The following DIXDC1 variants were observed in gnomAD, a reference collection of about 807,000 sequenced individuals.
DIXDC1 encodes the protein dixin.
A neutral mutation model predicts 103.1 loss-of-function variants in DIXDC1; 64 were observed. The ratio of observed to expected loss-of-function variants is 0.62; its 90% CI spans 0.51 to 0.76. The LOEUF is 0.76. Among genes scored for constraint, DIXDC1 ranks in the 30% least tolerant of loss-of-function variants. The probability of loss-of-function intolerance (pLI) is 0.00; values close to 1 mark genes in which losing one functional copy is unlikely to be tolerated. For synonymous variants in DIXDC1, 266 were observed against 298.5 expected, an observed-to-expected ratio of 0.89 and a Z score of 1.12; for missense variants, 759 against 834.2, an observed-to-expected ratio of 0.91 and a Z score of 1.11.
Position 111,995,105 on chromosome 11 carries a change from AG to A in DIXDC1, c.1527+1del. 1 of 1,613,474 alleles carries A rather than the reference AG, an allele frequency of 6.2e-7. No homozygotes were observed. Among genetic ancestry groups the A allele is most frequent in the Non-Finnish European group, 8.5e-7 (1 of 1,179,860 alleles). ...GKGATSVSNRGTSDLQLVRDA... is the reference protein window; with the variant it reads ...GKGATSVSNRXTSDLQLVRDA... ...AAGGAGCTACTTCAGTCAGCAACAG[AG>A]GGGTACGTACCTGGAGTTTTGATGG... On this transcript the variant is annotated frameshift_variant and splice_region_variant, in exon 15 of 20. Transcript: ENST00000440460. LOFTEE classifies it high-confidence loss of function.
intron 19 of DIXDC1, among the ~76,000 whole-genome samples, chr11:112,018,629 A>G (rs1861668900): frequency 6.6e-6 from 1 of 152,212 alleles, no homozygotes; most frequent in South Asian, 2.1e-4. Flanking sequence ...CCTGGTAACT[A>G]AATTTTCCAC....
chr11:111,987,095 GA>G (rs1860518489), intron 9 of DIXDC1, among the ~76,000 whole-genome samples, 171 bp downstream of exon 9: 1 of 151,886 alleles, frequency 6.6e-6, no homozygotes, highest in South Asian at 2.1e-4. Context: ...CCAAAAATAC[GA>G]AAAATTAGCT....
At chr11:111,940,793 T>A (rs1318815531) in intron 1 of DIXDC1, among the ~76,000 whole-genome samples, 1 of 152,210 alleles carries the variant, frequency 6.6e-6, no homozygotes, top group Non-Finnish European at 1.5e-5. Context: ...CATCTGCTCA[T>A]TGAGGCCAGA....
chr11:111,937,131 C>CGGGGG (rs782420161), upstream of DIXDC1: 49 of 462,580 alleles, frequency 1.1e-4, no homozygotes, highest in African/African-American at 2.3e-4. Flanking sequence ...GCGGCCCGGG[C>CGGGGG]GGGGGGGGGG....
chr11:111,992,749 A>T (rs914036499), intron 11 of DIXDC1, among the ~76,000 whole-genome samples: 87 of 152,354 alleles, frequency 5.7e-4, no homozygotes, highest in African/African-American at 2.0e-3. Flanking sequence ...CTTTGAGGAC[A>T]CTGAGATACA....
Position 111,977,175 on chromosome 11 carries a change from C to G in DIXDC1, c.656+2192C>G. ...CCACCCCCACCTCCACCCCGCCCAG[C>G]CCCGCCCCTGGCCCGCACCCTCAAC... On this transcript the variant is annotated intron_variant, in intron 5 of 19. Transcript: ENST00000440460. This position sits in a 1 kb window ranked among gnomAD's most constrained non-coding sequence, Gnocchi z 6.1. The G allele has an allele frequency of 7.2e-6, 6 of 830,936 alleles. No individual in the cohort carries two copies. The highest frequency in any genetic ancestry group is 8.7e-6 in the Non-Finnish European group (6 of 688,582). The allele number at this position is 830,936 out of a possible 1,614,324, so 51.5% of individuals were successfully genotyped here.
At chr11:111,988,611 A>G (rs1214253684) in intron 9 of DIXDC1, among the ~76,000 whole-genome samples, 4 of 152,234 alleles carry the variant, frequency 2.6e-5, no homozygotes, top group African/African-American at 9.6e-5. Flanking sequence ...AGGGATAATT[A>G]TTTAATGACA....
At chr11:112,001,552 C>CA (rs767315758) in intron 17 of DIXDC1, among the ~76,000 whole-genome samples, 81 of 151,842 alleles carry the variant, frequency 5.3e-4, no homozygotes, top group Admixed American at 2.1e-3. Flanking sequence ...TGCTTCTACC[C>CA]AAAAAACAAG....
chr11:112,015,824 C>T (rs1861571890), intron 17 of DIXDC1, among the ~76,000 whole-genome samples: 1 of 17,340 alleles, frequency 5.8e-5, no homozygotes, highest in Non-Finnish European at 1.1e-4. Flanking sequence ...TTTTTTTTTG[C>T]GGCAGGGACA....
At chr11:111,994,575 G>A (rs1224653767) in intron 14 of DIXDC1, among the ~76,000 whole-genome samples, 2 of 150,810 alleles carry the variant, frequency 1.3e-5, no homozygotes, top group Non-Finnish European at 2.9e-5. Flanking sequence ...ATGTATGTAT[G>A]TATGTGTATA....
At chr11:111,986,118 A>C (rs766071098) in intron 8 of DIXDC1, among the ~76,000 whole-genome samples, 1 of 152,130 alleles carries the variant, frequency 6.6e-6, no homozygotes, top group Admixed American at 6.5e-5. Flanking sequence ...CAGCCTTCTC[A>C]CTGGTTTTCC....
rs2137649196 is a variant in DIXDC1 at position 112,017,397 on chromosome 11, T to C, written c.1863-380T>C. Reference sequence around the variant, plus strand: ...GAGGGATAAAGATCATGATACTTGATTTGATTCTACCATCCTAGAGAATTG... The same window carrying C: ...GAGGGATAAAGATCATGATACTTGACTTGATTCTACCATCCTAGAGAATTG... On this transcript the variant is annotated intron_variant, in intron 18 of 19. Transcript: ENST00000440460. This position sits in a 1 kb window ranked among gnomAD's most constrained non-coding sequence, Gnocchi z 4.0. Among the ~76,000 whole-genome samples, 1 of 152,360 alleles carries C rather than the reference T, an allele frequency of 6.6e-6. No individual in the cohort carries two copies.
At chr11:111,950,942 C>T (rs1220952988) in intron 1 of DIXDC1, among the ~76,000 whole-genome samples, 1 of 152,004 alleles carries the variant, frequency 6.6e-6, no homozygotes, top group Non-Finnish European at 1.5e-5. Flanking sequence ...TATAGTCACC[C>T]TTCTGTGGAA....
rs1271686290 is a variant in DIXDC1, at chr11:112,021,101, GCAAA to G, written c.*2068_*2071del. 6.6e-6 allele frequency: 1 copy of G among 152,084 alleles called. No individual in the cohort carries two copies. The highest frequency in any genetic ancestry group is 6.5e-5 in the Admixed American group (1 of 15,274). 9.4% of individuals were successfully genotyped at this position (152,084 alleles called of 1,614,324 possible). A position where few individuals can be genotyped will look rare whatever the true frequency, so the allele number is the denominator to read the frequency against. ...GTTTTTACTTGTCAGTTTTCTCTCAGCAAACAGTCTTACTATTATGTGGAATTTA... is the reference window on the plus strand; with the variant it reads ...GTTTTTACTTGTCAGTTTTCTCTCAGCAGTCTTACTATTATGTGGAATTTA... On this transcript the variant is annotated 3_prime_UTR_variant, in exon 20 of 20. Transcript: ENST00000440460.
upstream of DIXDC1, among the ~76,000 whole-genome samples, chr11:111,933,808 T>C (rs587660323): frequency 1.3e-4 from 20 of 152,314 alleles, no homozygotes; most frequent in East Asian, 3.9e-3. Flanking sequence ...TCATGAATTA[T>C]TGGCCATAAT....
At chr11:111,968,952 T>G (rs587729073) in intron 3 of DIXDC1, among the ~76,000 whole-genome samples, 1 of 151,924 alleles carries the variant, frequency 6.6e-6, no homozygotes, top group South Asian at 2.1e-4. Context: ...TTTTGTATTT[T>G]TAGTAGATAT....
At chr11:111,941,823 A>G (rs1323808916) in intron 1 of DIXDC1, among the ~76,000 whole-genome samples, 1 of 143,664 alleles carries the variant, frequency 7.0e-6, no homozygotes, top group Admixed American at 7.0e-5. Context: ...GTCTCAAAAC[A>G]AAACGAAACA....
At position 111,995,404 on chromosome 11, in the gene DIXDC1, C is replaced by T. The variant is rs1179675593; in HGVS notation, c.1529C>T (p.Thr510Ile). The change falls in exon 16 of 20, where the codon ACC (threonine) becomes ATC (isoleucine). Residue 510 changes from threonine to isoleucine, a missense_variant and splice_region_variant. By Grantham distance (89) the Thr-to-Ile change is moderately conservative. Transcript: ENST00000440460. ...KGATSVSNRG[T>I]SDLQLVRDAL... is the part of the protein sequence containing the mutation. ...GCAACACCTTATTTTTGCCCACAGA[C>T]CAGCGACCTGCAGCTTGTTCGAGAT... 3 of 1,611,536 alleles carry T rather than the reference C, an allele frequency of 1.9e-6. No individual in the cohort carries two copies. Among genetic ancestry groups the T allele is most frequent in the Non-Finnish European group, 2.5e-6 (3 of 1,179,886 alleles).
intron 1 of DIXDC1, chr11:111,946,773 T>C (rs1208933843): frequency 1.0e-5 from 5 of 490,820 alleles, no homozygotes; most frequent in Non-Finnish European, 2.0e-5. Flanking sequence ...ATTTTGGTGT[T>C]TTCCCAACCT....
Sources: gnomAD v4.1 joint callset for allele counts (sites outside exome capture counted in the v4.1 genomes callset) on GRCh38, gnomAD v4.1.1 for gene constraint, Gnocchi (gnomAD v3.1) non-coding constraint, MANE v1.5 for transcripts, NCBI Gene and HGNC (gene_info 2026-07-23, HGNC 2026-07-21) for gene names.